Variants in EPB41L4A observed in about 807,000 individuals in gnomAD.
EPB41L4A encodes erythrocyte membrane protein band 4.1 like 4A, also known as band 4.1-like protein 4A.
In EPB41L4A, 100 loss-of-function variants were observed where a neutral mutation model predicts 108.6. That is an observed-to-expected ratio of 0.92 (90% CI 0.78 to 1.09). EPB41L4A has a LOEUF of 1.09. Among genes scored for constraint, EPB41L4A ranks in the 50% least tolerant of loss-of-function variants. The pLI, the probability that EPB41L4A is intolerant of heterozygous loss-of-function variation, is 0.00. For synonymous variants in EPB41L4A, 319 were observed against 289.0 expected, an observed-to-expected ratio of 1.10 and a Z score of -1.05; for missense variants, 1,030 against 842.7, an observed-to-expected ratio of 1.22 and a Z score of -2.75.
chr5:112,214,609 A>G (rs1233730752), intron 12 of EPB41L4A, among the ~76,000 whole-genome samples: 1 of 152,076 alleles, frequency 6.6e-6, no homozygotes, highest in Non-Finnish European at 1.5e-5. Context: ...TAAAAATACA[A>G]AAAAAATTTA....
chr5:112,230,739 T>C (rs760022892), intron 12 of EPB41L4A, among the ~76,000 whole-genome samples: 2 of 152,218 alleles, frequency 1.3e-5, no homozygotes, highest in Non-Finnish European at 2.9e-5. Context: ...TTAGGTCTTA[T>C]CTATTTATTT....
At chr5:112,343,753 T>A (rs1457781934) in intron 1 of EPB41L4A, among the ~76,000 whole-genome samples, 1 of 151,998 alleles carries the variant, frequency 6.6e-6, no homozygotes, top group African/African-American at 2.4e-5. Flanking sequence ...TTTCAACAAA[T>A]AAATAGCAAG....
chr5:112,381,445 T>G (rs1244054310), intron 1 of EPB41L4A, among the ~76,000 whole-genome samples: 1 of 152,264 alleles, frequency 6.6e-6, no homozygotes, highest in Non-Finnish European at 1.5e-5. Flanking sequence ...GGCCAGTTAC[T>G]GAAAGCAGCA....
At chr5:112,170,086 G>A (rs539583791) in intron 20 of EPB41L4A, 3 of 543,642 alleles carry the variant, frequency 5.5e-6, no homozygotes, top group Non-Finnish European at 9.6e-6. Context: ...TACCTACCAA[G>A]TACAAAGAGG....
intron 17 of EPB41L4A, among the ~76,000 whole-genome samples, chr5:112,186,917 G>C (rs1761458243): frequency 6.6e-6 from 1 of 152,168 alleles, no homozygotes; most frequent in Non-Finnish European, 1.5e-5. Context: ...TTATGCATGA[G>C]TGAATAAAGA....
intron 22 of EPB41L4A, among the ~76,000 whole-genome samples, chr5:112,166,142 A>C (rs1170707995): frequency 6.6e-6 from 1 of 152,268 alleles, no homozygotes; most frequent in Non-Finnish European, 1.5e-5. Flanking sequence ...TAAGAAATTA[A>C]GTTGCTATTC....
chr5:112,266,073 C>T (rs890391812), intron 5 of EPB41L4A, among the ~76,000 whole-genome samples, 160 bp downstream of exon 5: 2 of 152,156 alleles, frequency 1.3e-5, no homozygotes, highest in Non-Finnish European at 2.9e-5. Flanking sequence ...TTACCTGTTC[C>T]GAAGGAACAC....
chr5:112,388,557 C>A (rs577008702), intron 1 of EPB41L4A, among the ~76,000 whole-genome samples: 3 of 152,012 alleles, frequency 2.0e-5, no homozygotes, highest in African/African-American at 4.8e-5. Flanking sequence ...TTGAAGAGAC[C>A]GAGAGAGAAT....
At chr5:112,304,657 T>C (rs924278968) in intron 2 of EPB41L4A, among the ~76,000 whole-genome samples, 16 of 152,168 alleles carry the variant, frequency 1.1e-4, no homozygotes, top group African/African-American at 3.6e-4. Context: ...TCCAGACTTT[T>C]TCCTTCTTCC....
At chr5:112,246,068 T>G (rs1157675329) in intron 9 of EPB41L4A, among the ~76,000 whole-genome samples, 1 of 152,134 alleles carries the variant, frequency 6.6e-6, no homozygotes, top group Non-Finnish European at 1.5e-5. Context: ...CAAAAGAAAC[T>G]GGTGGCAGAG....
downstream of EPB41L4A, among the ~76,000 whole-genome samples, chr5:112,159,257 C>A (rs897514055): frequency 6.6e-6 from 1 of 152,104 alleles, no homozygotes; most frequent in East Asian, 1.9e-4. Context: ...CGGAGATAAG[C>A]TCCTTTTCTT....
chr5:112,209,632 C>T (rs984318177), intron 13 of EPB41L4A, among the ~76,000 whole-genome samples: 6 of 152,128 alleles, frequency 3.9e-5, no homozygotes, highest in African/African-American at 7.2e-5. Context: ...TAATTTTCTG[C>T]GGAGAATGCA....
intron 1 of EPB41L4A, among the ~76,000 whole-genome samples, chr5:112,322,728 TCACACACACACCCCA>T (rs1755883913): frequency 7.3e-6 from 1 of 136,950 alleles, no homozygotes; most frequent in South Asian, 2.4e-4. Flanking sequence ...ACACACACAC[TCACACACACACCCCA>T]CACACACACA....
intron 12 of EPB41L4A, among the ~76,000 whole-genome samples, chr5:112,150,355 G>C (rs748572404): frequency 6.6e-6 from 1 of 152,116 alleles, no homozygotes; most frequent in Admixed American, 6.5e-5. Context: ...CTGTCAATCA[G>C]AGTATCAGAG....
chr5:112,353,712 T>C (rs908756796), intron 1 of EPB41L4A, among the ~76,000 whole-genome samples: 1 of 152,094 alleles, frequency 6.6e-6, no homozygotes, highest in South Asian at 2.1e-4. Flanking sequence ...ATAGTTTGCA[T>C]GGGTATAGGC....
At chr5:112,394,229 G>A (rs1364086759) in intron 1 of EPB41L4A, among the ~76,000 whole-genome samples, 2 of 152,180 alleles carry the variant, frequency 1.3e-5, no homozygotes, top group East Asian at 3.8e-4. Flanking sequence ...AGTGTTGAAA[G>A]TTCTGGCCAG....
intron 15 of EPB41L4A, 98 bp downstream of exon 15, chr5:112,204,277 A>C (rs1762357601): frequency 1.4e-6 from 1 of 706,662 alleles, no homozygotes; most frequent in Admixed American, 2.1e-5. Context: ...TTGGAGAGAA[A>C]CAGTAATGTC....
At chr5:112,299,684 G>A (rs1754230129) in intron 2 of EPB41L4A, among the ~76,000 whole-genome samples, 1 of 152,152 alleles carries the variant, frequency 6.6e-6, no homozygotes, top group South Asian at 2.1e-4. Flanking sequence ...ATTTGTTCTG[G>A]AGTATAGCTT....
intron 9 of EPB41L4A, among the ~76,000 whole-genome samples, chr5:112,241,936 A>C (rs947764710): frequency 5.9e-5 from 9 of 152,200 alleles, no homozygotes; most frequent in African/African-American, 2.2e-4. Flanking sequence ...TTAGGTCTTA[A>C]AAAAACATAT....
Sources: gnomAD v4.1 joint callset for allele counts (sites outside exome capture counted in the v4.1 genomes callset) on GRCh38, gnomAD v4.1.1 for gene constraint, MANE v1.5 for transcripts, NCBI Gene and HGNC (gene_info 2026-07-23, HGNC 2026-07-21) for gene names.